PPP4R3A: variants seen among roughly 807,000 people sequenced by gnomAD.
PPP4R3A encodes the protein serine/threonine-protein phosphatase 4 regulatory subunit 3A.
PPP4R3A carries 15 observed loss-of-function variants against 91.7 expected under a neutral mutation model. The observed-to-expected ratio is 0.16, with a 90% CI of 0.11 to 0.25. The LOEUF (loss-of-function observed/expected upper bound fraction) is 0.25, where lower values mean the gene tolerates loss of function less well. PPP4R3A is among the 10% of genes least tolerant of loss of function. The pLI is 1.00. For synonymous variants in PPP4R3A, 377 were observed against 348.7 expected (o/e 1.08, Z -0.91); for missense variants, 623 against 998.4 (o/e 0.62, Z 5.07).
At chr14:91,497,729 T>G (rs577745935) in intron 1 of PPP4R3A, among the ~76,000 whole-genome samples, 9 of 152,288 alleles carry the variant, frequency 5.9e-5, no homozygotes, top group Admixed American at 3.3e-4. Context: ...ATACTACTCT[T>G]TGGGCCAACT....
At chr14:91,468,434 G>A (rs1888610834) in intron 10 of PPP4R3A, among the ~76,000 whole-genome samples, 2 of 152,092 alleles carry the variant, frequency 1.3e-5, no homozygotes, top group African/African-American at 4.8e-5. Flanking sequence ...CACTTTGGGA[G>A]GCCGAGGCAG....
intron 11 of PPP4R3A, among the ~76,000 whole-genome samples, chr14:91,463,171 T>C (rs977388488): frequency 2.6e-5 from 4 of 152,106 alleles, no homozygotes; most frequent in Admixed American, 2.6e-4. Flanking sequence ...ATTTAAGCGA[T>C]TCTCCTGGCT....
chr14:91,463,022 G>C, intron 11 of PPP4R3A, 145 bp from the exon 12 acceptor site: 1 of 691,306 alleles, frequency 1.4e-6, no homozygotes, highest in East Asian at 2.7e-5. Context: ...AATAAAAAAT[G>C]GGAATAACGT....
intron 1 of PPP4R3A, among the ~76,000 whole-genome samples, chr14:91,494,803 T>G (rs900071101): frequency 2.0e-5 from 3 of 152,054 alleles, no homozygotes; most frequent in African/African-American, 7.2e-5. Flanking sequence ...GAGGTGGAGG[T>G]TGCAGTGAGC....
At chr14:91,498,421 G>A (rs966156295) in intron 1 of PPP4R3A, among the ~76,000 whole-genome samples, 1 of 151,996 alleles carries the variant, frequency 6.6e-6, no homozygotes, top group Admixed American at 6.6e-5. Flanking sequence ...AACATGCTAA[G>A]TTAGAACATT....
intron 10 of PPP4R3A, chr14:91,466,494 A>AATT: frequency 1.1e-6 from 1 of 934,082 alleles, no homozygotes; most frequent in South Asian, 4.9e-5. Flanking sequence ...GTGAATGCCC[A>AATT]ATTAGGTACA....
chr14:91,459,453 G>GAGTT (rs971754611), intron 14 of PPP4R3A, among the ~76,000 whole-genome samples: 1 of 152,124 alleles, frequency 6.6e-6, no homozygotes, highest in Admixed American at 6.5e-5. Context: ...AATTACCCAG[G>GAGTT]AGTTAGAAAA....
In PPP4R3A at chr14:91,501,090, C is replaced by T. The variant is rs144501666; in HGVS notation, c.142+8416G>A. 2.3e-3 allele frequency among the ~76,000 whole-genome samples: 345 copies of T among 152,226 alleles called. 1 individual carries two copies. Among genetic ancestry groups the T allele is most frequent in the African/African-American group, 8.0e-3 (334 of 41,536 alleles). On this transcript the variant is annotated intron_variant, in intron 1 of 14. Transcript: ENST00000554943. ...CTTCTGGTACACAGCTTTTATTCATCTGGAAAATTCACTTGTTTAGAAGAT... is the reference window on the plus strand; with the variant it reads ...CTTCTGGTACACAGCTTTTATTCATTTGGAAAATTCACTTGTTTAGAAGAT...
rs1890185321 is a variant in PPP4R3A, at chr14:91,490,746, C to A, written c.198+1G>T. 6.2e-7 allele frequency: 1 copy of A among 1,607,160 alleles called. No individual in the cohort carries two copies. Among genetic ancestry groups the A allele is most frequent in the African/African-American group, 1.3e-5 (1 of 74,538 alleles). ...GATAAAACACATCTTCAAAATTTTACCTGTTGTTTCTGGTATGCAGTGTTA... is the reference window on the plus strand; with the variant it reads ...GATAAAACACATCTTCAAAATTTTAACTGTTGTTTCTGGTATGCAGTGTTA... On this transcript the variant is annotated splice_donor_variant, in intron 2 of 14. Coordinates refer to ENST00000554943, the MANE Select transcript of PPP4R3A (RefSeq NM_001366432.2). LOFTEE classifies it high-confidence loss of function.
At chr14:91,492,574 A>C (rs1205249123) in intron 1 of PPP4R3A, among the ~76,000 whole-genome samples, 1 of 152,198 alleles carries the variant, frequency 6.6e-6, no homozygotes, top group Non-Finnish European at 1.5e-5. Context: ...ACTTCACACC[A>C]ACCCTCCCAA....
intron 12 of PPP4R3A, 49 bp downstream of exon 12, chr14:91,462,686 C>A (rs764633996): frequency 1.2e-6 from 2 of 1,602,908 alleles, no homozygotes; most frequent in African/African-American, 2.7e-5. Context: ...AAAGCCACTA[C>A]CATACGACTT....
intron 11 of PPP4R3A, among the ~76,000 whole-genome samples, chr14:91,464,578 G>T (rs886410045): frequency 6.6e-6 from 1 of 151,988 alleles, no homozygotes; most frequent in African/African-American, 2.4e-5. Context: ...GCAAAACCCT[G>T]TCTCTAAGAA....
chr14:91,460,009 C>T (rs1482433441), intron 14 of PPP4R3A, among the ~76,000 whole-genome samples: 25 of 151,812 alleles, frequency 1.6e-4, no homozygotes, highest in Admixed American at 1.6e-3. Flanking sequence ...AAACCACTGC[C>T]GCTTGCTTTA....
intron 1 of PPP4R3A, among the ~76,000 whole-genome samples, chr14:91,507,376 T>C (rs1250447432): frequency 1.6e-5 from 1 of 60,744 alleles, no homozygotes; most frequent in Admixed American, 2.2e-4. Context: ...ACTATAATTA[T>C]ATATACTATA....
chr14:91,466,940 A>AACACACACACACACACACACACAC (rs10525073), intron 10 of PPP4R3A, among the ~76,000 whole-genome samples: 291 of 147,562 alleles, frequency 2.0e-3, no homozygotes, highest in African/African-American at 6.2e-3. Context: ...GTCCTACCAT[A>AACACACACACACACACACACACAC]ACACACACAC....
chr14:91,495,693 A>G (rs8003256), intron 1 of PPP4R3A, among the ~76,000 whole-genome samples: 74,614 of 141,296 alleles, frequency 0.53, 18,655 homozygotes, highest in Admixed American at 0.57. Context: ...AATACTGTTA[A>G]AAAAAAAACA....
intron 10 of PPP4R3A, among the ~76,000 whole-genome samples, chr14:91,467,616 A>G (rs1888553702): frequency 6.6e-6 from 1 of 152,170 alleles, no homozygotes; most frequent in South Asian, 2.1e-4. Flanking sequence ...AAACAACATA[A>G]AAGTATGAGC....
intron 3 of PPP4R3A, among the ~76,000 whole-genome samples, chr14:91,483,675 G>C (rs1218005056): frequency 6.6e-6 from 1 of 152,168 alleles, no homozygotes; most frequent in Non-Finnish European, 1.5e-5. Flanking sequence ...AGAGCAAAAT[G>C]TAATGACTTT....
In PPP4R3A at chr14:91,462,041, C is replaced by T. The variant is rs551265861; in HGVS notation, c.2164+8G>A. 2.7e-6 allele frequency: 4 copies of T among 1,484,304 alleles called. No individual in the cohort carries two copies. The highest frequency in any genetic ancestry group is 1.4e-5 in the African/African-American group (1 of 69,392). 91.9% of individuals were successfully genotyped at this position (1,484,304 alleles called of 1,614,324 possible). A position where few individuals can be genotyped will look rare whatever the true frequency, so the allele number is the denominator to read the frequency against. ...TAATTTTCTCTTGCCCATTTTTTTC[C>T]AACATACATTTCTTCCTTTCCATGA... is the stretch of plus-strand genomic sequence containing the variant. On this transcript the variant is annotated splice_region_variant and intron_variant, in intron 13 of 14. Transcript: ENST00000554943.
Sources: gnomAD v4.1 joint callset for allele counts (sites outside exome capture counted in the v4.1 genomes callset) on GRCh38, gnomAD v4.1.1 for gene constraint, MANE v1.5 for transcripts, NCBI Gene and HGNC (gene_info 2026-07-23, HGNC 2026-07-21) for gene names.